Variants in TBCD observed in about 807,000 individuals in gnomAD.
TBCD encodes tubulin-specific chaperone D.
TBCD carries 105 observed loss-of-function variants against 169.3 expected under a neutral mutation model. The ratio of observed to expected loss-of-function variants is 0.62; its 90% CI spans 0.53 to 0.73. The LOEUF (loss-of-function observed/expected upper bound fraction) is 0.73. Ranked by LOEUF, TBCD falls within the 30% of genes least tolerant of loss-of-function variation. The pLI is 0.00. For missense variants in TBCD, 1,444 were observed against 1,600.1 expected (o/e 0.90, Z 1.66); for synonymous variants, 700 against 643.9 (o/e 1.09, Z -1.32).
At chr17:82,936,370 C>T (rs1030347582) in intron 34 of TBCD, among the ~76,000 whole-genome samples, 2 of 151,544 alleles carry the variant, frequency 1.3e-5, no homozygotes, top group Admixed American at 6.5e-5. Context: ...TCCGCTTCGC[C>T]GTTCCCTGCG....
At chr17:82,919,265 T>G (rs957485306) in intron 23 of TBCD, among the ~76,000 whole-genome samples, 1 of 151,974 alleles carries the variant, frequency 6.6e-6, no homozygotes, top group Non-Finnish European at 1.5e-5. Context: ...TTTTCTGGGG[T>G]TTTTTGTTTC....
rs1245110406 is a variant in TBCD at position 82,943,819 on chromosome 17, A to C, written c.*1356A>C. ...TTACGAGATTTAAATATTTTATTCC[A>C]ACCTGTGTAATAGGGGTCTCCTCCT... is the stretch of plus-strand genomic sequence containing the variant. On this transcript the variant is annotated 3_prime_UTR_variant, in exon 39 of 39. Transcript: ENST00000355528. 1 of 152,250 alleles carries C rather than the reference A, an allele frequency of 6.6e-6. No individual in the cohort carries two copies. Among genetic ancestry groups the C allele is most frequent in the Non-Finnish European group, 1.5e-5 (1 of 68,076 alleles). The allele number at this position is 152,250 out of a possible 1,614,324, so 9.4% of individuals were successfully genotyped here. A position where few individuals can be genotyped will look rare whatever the true frequency, so the allele number is the denominator to read the frequency against.
chr17:82,776,889 G>A (rs755963508), intron 6 of TBCD, among the ~76,000 whole-genome samples: 1 of 152,092 alleles, frequency 6.6e-6, no homozygotes, highest in Non-Finnish European at 1.5e-5. Flanking sequence ...CTGATTGCAG[G>A]TATTTAATTG....
chr17:82,905,400 C>T (rs1014956305), intron 19 of TBCD, among the ~76,000 whole-genome samples: 6 of 152,260 alleles, frequency 3.9e-5, no homozygotes, highest in East Asian at 1.9e-4. Context: ...TGCATCACCA[C>T]GGGTGCCGTC....
Position 82,870,255 on chromosome 17 carries a change from C to T in TBCD, c.1350C>T (p.Tyr450=), listed in dbSNP as rs765108456. The T allele has an allele frequency of 2.9e-5, 47 of 1,613,264 alleles. 1 individual carries two copies. The Middle Eastern group carries it at 4.9e-4, about 17-fold the overall frequency. ...CCGTGATCCTGAAGGCGCTGACCTA[C>T]GACGAGAAGCGGGGTGCCTGCAGCG... ...VVAVILKALT[Y]DEKRGACSVG... is the part of the protein sequence containing the mutation. The change falls in exon 14 of 39, where the codon TAC becomes TAT. Residue 450 remains tyrosine, a synonymous_variant. Transcript: ENST00000355528.
At chr17:82,891,504 C>T (rs1329749364) in intron 16 of TBCD, among the ~76,000 whole-genome samples, 2 of 152,218 alleles carry the variant, frequency 1.3e-5, no homozygotes, top group African/African-American at 4.8e-5. Context: ...CGGAGCGTCT[C>T]CCAGCCCCGC....
intron 6 of TBCD, among the ~76,000 whole-genome samples, chr17:82,774,205 C>T (rs1455567199): frequency 6.6e-6 from 1 of 152,102 alleles, no homozygotes; most frequent in African/African-American, 2.4e-5. Flanking sequence ...CGGCCTTCCG[C>T]AGTGTTTTTG....
intron 9 of TBCD, among the ~76,000 whole-genome samples, chr17:82,804,933 TG>T (rs2050843017): frequency 6.6e-6 from 1 of 152,218 alleles, no homozygotes; most frequent in South Asian, 2.1e-4. Context: ...TCAGCACCAG[TG>T]TGTGAGTTCT....
rs183539912 is a variant in TBCD at position 82,865,861 on chromosome 17, C to G, written c.1319-4363C>G. On this transcript the variant is annotated intron_variant, in intron 13 of 38. Coordinates refer to ENST00000355528, the MANE Select transcript of TBCD (RefSeq NM_005993.5). ...AGTTGTTTCTGTCACCTGGAGGCTG[C>G]TTTTTCCTCAGGCAATTGGCGTTCA... Among the ~76,000 whole-genome samples the G allele has an allele frequency of 2.0e-5, 3 of 152,126 alleles. No homozygotes were observed. The East Asian group carries it at 5.8e-4, about 29-fold the overall frequency.
rs553063470 is a variant in TBCD, at chr17:82,937,514, G to A, written c.3281+154G>A. 1.7e-4 allele frequency: 117 copies of A among 691,754 alleles called. 1 individual carries two copies. Among genetic ancestry groups the A allele is most frequent in the African/African-American group, 6.6e-4 (37 of 55,890 alleles). 42.9% of individuals were successfully genotyped at this position (691,754 alleles called of 1,614,324 possible). A position where few individuals can be genotyped will look rare whatever the true frequency, so the allele number is the denominator to read the frequency against. On this transcript the variant is annotated intron_variant, in intron 35 of 38. Coordinates refer to ENST00000355528, the MANE Select transcript of TBCD (RefSeq NM_005993.5). ...GTGCATTCCAATGTTCAAAGCAGTC[G>A]CAATGGGAGGTGAGGCAGCCCAGGT...
chr17:82,893,450 A>G, intron 16 of TBCD, 97 bp from the exon 17 acceptor site: 1 of 975,884 alleles, frequency 1.0e-6, no homozygotes, highest in South Asian at 1.6e-5. Flanking sequence ...CTCGGGGTTC[A>G]TGAGTGTAAA....
intron 3 of TBCD, 83 bp downstream of exon 3, chr17:82,764,145 C>A: frequency 9.2e-7 from 1 of 1,088,054 alleles, no homozygotes; most frequent in Non-Finnish European, 1.3e-6. Context: ...AATGTTATTT[C>A]TCAAGAAAGA....
chr17:82,825,121 C>T (rs2052727690), intron 13 of TBCD, among the ~76,000 whole-genome samples: 1 of 152,182 alleles, frequency 6.6e-6, no homozygotes, highest in Admixed American at 6.5e-5. Context: ...GCCTGTGCCA[C>T]AACCATTGTG....
In TBCD at chr17:82,945,447, T is replaced by G. The variant is rs190303308; in HGVS notation, c.*2984T>G. 1 of 152,342 alleles carries G rather than the reference T, an allele frequency of 6.6e-6. No individual in the cohort carries two copies. The highest frequency in any genetic ancestry group is 1.9e-4 in the East Asian group (1 of 5,182). 9.4% of individuals were successfully genotyped at this position (152,342 alleles called of 1,614,324 possible). On this transcript the variant is annotated 3_prime_UTR_variant, in exon 39 of 39. Transcript: ENST00000355528. ...GAACTGTAAGAAGGACAGAGTGATA[T>G]AAACGACTACCAATTTCCCAGCAGC...
At chr17:82,914,937 G>C (rs568461760) in intron 23 of TBCD, among the ~76,000 whole-genome samples, 11 of 152,342 alleles carry the variant, frequency 7.2e-5, no homozygotes, top group African/African-American at 2.6e-4. Context: ...GCATCTCCCA[G>C]TCCCACATTT....
chr17:82,860,223 C>T (rs577034579), intron 13 of TBCD, among the ~76,000 whole-genome samples: 5 of 152,348 alleles, frequency 3.3e-5, no homozygotes, highest in Non-Finnish European at 4.4e-5. Context: ...GTGGGCGTTC[C>T]GAGTGCCAGC....
intron 7 of TBCD, among the ~76,000 whole-genome samples, chr17:82,797,064 A>G (rs1325743813): frequency 6.6e-6 from 1 of 152,240 alleles, no homozygotes; most frequent in African/African-American, 2.4e-5. Flanking sequence ...GCTCAGTTCT[A>G]GGATTCTTCG....
At chr17:82,758,400 A>AAC (rs1555672641) in intron 2 of TBCD, among the ~76,000 whole-genome samples, 1 of 100,032 alleles carries the variant, frequency 1.0e-5, no homozygotes, top group Non-Finnish European at 1.9e-5. Flanking sequence ...AAAAAAAAAA[A>AAC]AAATAAATAA....
chr17:82,773,602 A>T (rs566410664), intron 6 of TBCD, among the ~76,000 whole-genome samples: 1 of 151,934 alleles, frequency 6.6e-6, no homozygotes, highest in East Asian at 1.9e-4. Context: ...GGCGGCACCA[A>T]CTCTGTCCAT....
Sources: allele counts gnomAD v4.1 joint callset (sites outside exome capture counted in the v4.1 genomes callset), GRCh38; gene constraint gnomAD v4.1.1; transcripts MANE v1.5; gene names NCBI Gene and HGNC (gene_info 2026-07-23, HGNC 2026-07-21).